Variants in UNK observed in about 807,000 individuals in gnomAD.
The protein encoded by UNK is unk zinc finger.
A neutral mutation model predicts 97.6 loss-of-function variants in UNK; 32 were observed. That is an observed-to-expected ratio of 0.33 (90% CI 0.25 to 0.44). The LOEUF (loss-of-function observed/expected upper bound fraction) is 0.44. Among genes scored for constraint, UNK ranks in the 20% least tolerant of loss-of-function variants. The pLI is 1.00. For missense variants in UNK, 771 were observed against 1,098.4 expected, an observed-to-expected ratio of 0.70 and a Z score of 4.21; for synonymous variants, 441 against 461.2, an observed-to-expected ratio of 0.96 and a Z score of 0.56.
At chr17:75,815,328 G>A (rs1287329052) in intron 7 of UNK, 75 bp downstream of exon 7, 13 of 1,417,674 alleles carry the variant, frequency 9.2e-6, no homozygotes, top group South Asian at 6.2e-5. Flanking sequence ...GGCTTAGGCC[G>A]GGGATGGCCC....
At chr17:75,823,167 C>G in intron 14 of UNK, 98 bp from the exon 15 acceptor site, 1 of 1,493,378 alleles carries the variant, frequency 6.7e-7, no homozygotes, top group Non-Finnish European at 8.9e-7. Flanking sequence ...CAGCTTCCCA[C>G]CAGGCCTCGC....
rs184143495 is a variant in UNK at position 75,801,702 on chromosome 17, A to G, written c.105-8058A>G. ...GCTGGGACTACAGGCGCCCGCCACC[A>G]CACCTGGCTAATTTGTATTTTTAGT... On this transcript the variant is annotated intron_variant, in intron 1 of 15. Coordinates refer to ENST00000589666, the MANE Select transcript of UNK (RefSeq NM_001080419.3). 1.9e-3 allele frequency among the ~76,000 whole-genome samples: 282 copies of G among 151,680 alleles called. 2 individuals carry two copies. The highest frequency in any genetic ancestry group is 6.6e-3 in the African/African-American group (272 of 41,370).
At chr17:75,822,741 G>C (rs1057009738) in intron 14 of UNK, 83 bp downstream of exon 14, 8 of 1,407,918 alleles carry the variant, frequency 5.7e-6, no homozygotes, top group Non-Finnish European at 7.5e-6. Context: ...TGGGCGTGGG[G>C]TGGGGGAAAG....
rs182314953 is a variant in UNK, at chr17:75,816,555, C to T, written c.962-215C>T. Reference sequence around the variant, plus strand: ...AAAATGGAGACCATATTACTGGTATCTTCTGGTCACCATGAAGATTCACAA... The same window carrying T: ...AAAATGGAGACCATATTACTGGTATTTTCTGGTCACCATGAAGATTCACAA... On this transcript the variant is annotated intron_variant, in intron 7 of 15. Transcript: ENST00000589666. This position sits in a 1 kb window ranked among gnomAD's most constrained non-coding sequence, Gnocchi z 4.0. Among the ~76,000 whole-genome samples the T allele has an allele frequency of 7.5e-4, 114 of 152,336 alleles. No homozygotes were observed. Among genetic ancestry groups the T allele is most frequent in the Non-Finnish European group, 1.3e-3 (89 of 68,028 alleles).
At chr17:75,788,841 T>G (rs2061737412) in intron 1 of UNK, among the ~76,000 whole-genome samples, 1 of 152,224 alleles carries the variant, frequency 6.6e-6, no homozygotes, top group Non-Finnish European at 1.5e-5. Context: ...TTGTATAGTT[T>G]TATACCTGAT....
At position 75,818,582 on chromosome 17, in the gene UNK, T is replaced by TC. The variant is rs2062037735; in HGVS notation, c.1372-59dup. On this transcript the variant is annotated intron_variant, in intron 10 of 15. Transcript: ENST00000589666. This position sits in a 1 kb window ranked among gnomAD's most constrained non-coding sequence, Gnocchi z 5.1. ...TTGCCCCCAGCCCCTCTCCAGCCTC[T>TC]CGTCCTGGCCTCCGTATGCAGGCCT... 2 of 1,520,914 alleles carry TC rather than the reference T, an allele frequency of 1.3e-6. No homozygotes were observed. The highest frequency in any genetic ancestry group is 2.6e-5 in the South Asian group (2 of 78,252). 94.2% of individuals were successfully genotyped at this position (1,520,914 alleles called of 1,614,324 possible).
chr17:75,799,486 T>G (rs1346963401), intron 1 of UNK, among the ~76,000 whole-genome samples: 5 of 152,218 alleles, frequency 3.3e-5, no homozygotes, highest in Non-Finnish European at 5.9e-5. Flanking sequence ...CCAGGAGATG[T>G]ATCTAAGTCA....
intron 1 of UNK, among the ~76,000 whole-genome samples, chr17:75,801,851 CCTTT>C (rs1298297497): frequency 2.0e-5 from 3 of 147,340 alleles, no homozygotes; most frequent in Admixed American, 6.8e-5. Flanking sequence ...CTCCCCCCAG[CCTTT>C]TTTTTTTTTT....
In UNK at chr17:75,808,691, C is replaced by G. The variant is rs1599377201; in HGVS notation, c.105-1069C>G. 3.3e-5 allele frequency among the ~76,000 whole-genome samples: 5 copies of G among 152,234 alleles called. No homozygotes were observed. In the South Asian group the frequency reaches 1.0e-3, roughly 32 times the overall value. On this transcript the variant is annotated intron_variant, in intron 1 of 15. Transcript: ENST00000589666. Reference sequence around the variant, plus strand: ...CAGTCTCCAAGCCTCTGGCACCATCCTTCTCGATGACGTTAGATGTCCTAT... The same window carrying G: ...CAGTCTCCAAGCCTCTGGCACCATCGTTCTCGATGACGTTAGATGTCCTAT...
chr17:75,816,812 C>G lies in UNK; in HGVS notation c.1004C>G (p.Ser335Cys). Residue 335 changes from serine (S) to cysteine (C), a missense_variant, in exon 8 of 16, where the codon TCC (serine) becomes TGC (cysteine). Transcript: ENST00000589666. This position sits in a 1 kb window ranked among gnomAD's most constrained non-coding sequence, Gnocchi z 4.0. The part of the protein sequence containing the change: ...SDDLQPSSAV[S>C]SPTQPGPVLY... The stretch of plus-strand genomic sequence containing the variant: ...GACCTGCAGCCTTCCTCAGCTGTGT[C>G]CAGCCCCACCCAGCCAGGTCCTGTC... 1 of 1,606,420 alleles carries G rather than the reference C, an allele frequency of 6.2e-7. No homozygotes were observed. Among genetic ancestry groups the G allele is most frequent in the Non-Finnish European group, 8.5e-7 (1 of 1,179,460 alleles).
In UNK at chr17:75,816,844, A is replaced by G; in HGVS notation, c.1036A>G (p.Met346Val). The G allele has an allele frequency of 6.2e-7, 1 of 1,607,938 alleles. No homozygotes were observed. The highest frequency in any genetic ancestry group is 8.5e-7 in the Non-Finnish European group (1 of 1,179,376). The change falls in exon 8 of 16, where the codon ATG (methionine) becomes GTG (valine). Residue 346 changes from methionine (M) to valine (V), a missense_variant. Met to Val is a conservative substitution (Grantham distance 21). Transcript: ENST00000589666. This position sits in a 1 kb window ranked among gnomAD's most constrained non-coding sequence, Gnocchi z 4.0. ...CACCCAGCCAGGTCCTGTCCTGTACATGCCATCTGCCGCCGGAGACTCGGT... is the reference window on the plus strand; with the variant it reads ...CACCCAGCCAGGTCCTGTCCTGTACGTGCCATCTGCCGCCGGAGACTCGGT... ...SPTQPGPVLYMPSAAGDSVPV... is the reference protein window; with the variant it reads ...SPTQPGPVLYVPSAAGDSVPV...
At chr17:75,823,746 C>A (rs1288595657) in intron 15 of UNK, among the ~76,000 whole-genome samples, 1 of 152,164 alleles carries the variant, frequency 6.6e-6, no homozygotes, top group Non-Finnish European at 1.5e-5. Flanking sequence ...ACCCCCAGCA[C>A]CCCTGAGGGC....
chr17:75,809,598 A>G (rs2061950025), intron 1 of UNK, among the ~76,000 whole-genome samples, 162 bp from the exon 2 acceptor site: 1 of 152,120 alleles, frequency 6.6e-6, no homozygotes, highest in Non-Finnish European at 1.5e-5. Flanking sequence ...TGGATCCTAG[A>G]GCTGAGGTGT....
At chr17:75,792,093 C>T (rs2061768158) in intron 1 of UNK, 19 of 977,134 alleles carry the variant, frequency 1.9e-5, no homozygotes, top group Non-Finnish European at 2.2e-5. Context: ...ACAGCCTGAG[C>T]AGCACAGCAC....
chr17:75,796,070 G>A (rs2061803292), intron 1 of UNK, among the ~76,000 whole-genome samples: 1 of 152,142 alleles, frequency 6.6e-6, no homozygotes. Context: ...TCGCATCTAG[G>A]AGCTTCATAG....
At chr17:75,788,063 G>A (rs2061729388) in intron 1 of UNK, among the ~76,000 whole-genome samples, 1 of 152,048 alleles carries the variant, frequency 6.6e-6, no homozygotes, top group Admixed American at 6.6e-5. Context: ...GGTAAACAGT[G>A]GGTACACATG....
intron 1 of UNK, among the ~76,000 whole-genome samples, chr17:75,788,370 G>A (rs1435401164): frequency 6.6e-6 from 1 of 152,110 alleles, no homozygotes; most frequent in Non-Finnish European, 1.5e-5. Flanking sequence ...AGTAGAGACA[G>A]GGTTTCACTG....
At position 75,817,246 on chromosome 17, in the gene UNK, CT is replaced by C. The variant is rs1433880812; in HGVS notation, c.1105-79del. The C allele has an allele frequency of 9.8e-6, 14 of 1,429,100 alleles. No homozygotes were observed. The highest frequency in any genetic ancestry group is 2.6e-4 in the Middle Eastern group (1 of 3,824). 88.5% of individuals were successfully genotyped at this position (1,429,100 alleles called of 1,614,324 possible). ...TGGAACTGAGCCCCTTGAAGACTCC[CT>C]CTGGAGAGGGTGGAGGATGGGCCAC... On this transcript the variant is annotated intron_variant, in intron 8 of 15. Coordinates refer to ENST00000589666, the MANE Select transcript of UNK (RefSeq NM_001080419.3). The surrounding 1 kb of genome is among the most constrained non-coding windows in gnomAD (Gnocchi z 5.8).
In UNK at chr17:75,818,291, G is replaced by A. The variant is rs1402192011; in HGVS notation, c.1371+123G>A. On this transcript the variant is annotated intron_variant, in intron 10 of 15. Transcript: ENST00000589666. The surrounding 1 kb of genome is among the most constrained non-coding windows in gnomAD (Gnocchi z 5.1). ...AAAGCTGAGGGCAGGACTAAAGTGG[G>A]GTCCCAGCCACAAATCCAGAGAGGG... The A allele has an allele frequency of 2.7e-6, 3 of 1,116,832 alleles. No homozygotes were observed. The highest frequency in any genetic ancestry group is 2.2e-5 in the Admixed American group (1 of 45,304). 69.2% of individuals were successfully genotyped at this position (1,116,832 alleles called of 1,614,324 possible). A position where few individuals can be genotyped will look rare whatever the true frequency, so the allele number is the denominator to read the frequency against.
Sources: gnomAD v4.1 joint callset for allele counts (sites outside exome capture counted in the v4.1 genomes callset) on GRCh38, gnomAD v4.1.1 for gene constraint, Gnocchi (gnomAD v3.1) non-coding constraint, MANE v1.5 for transcripts, NCBI Gene and HGNC (gene_info 2026-07-23, HGNC 2026-07-21) for gene names.